PTPRD: variants seen among roughly 807,000 people sequenced by gnomAD.
The protein encoded by PTPRD is receptor-type tyrosine-protein phosphatase delta.
A neutral mutation model predicts 214.5 loss-of-function variants in PTPRD; 34 were observed. The ratio of observed to expected loss-of-function variants is 0.16; its 90% confidence interval spans 0.12 to 0.21. PTPRD has a LOEUF of 0.21. Ranked by LOEUF, PTPRD falls within the 10% of genes least tolerant of loss-of-function variation. PTPRD has a pLI of 1.00. For synonymous variants in PTPRD, 1,128 were observed against 845.7 expected (o/e 1.33, Z -5.79); for missense variants, 2,545 against 2,398.7 (o/e 1.06, Z -1.27).
At chr9:9,320,365 T>C (rs893040735) in intron 9 of PTPRD, among the ~76,000 whole-genome samples, 2 of 152,188 alleles carry the variant, frequency 1.3e-5, no homozygotes, top group Non-Finnish European at 2.9e-5. Flanking sequence ...GAACCCCATA[T>C]ACTGGGCATG....
chr9:9,554,671 A>C (rs2081092679), intron 8 of PTPRD, among the ~76,000 whole-genome samples: 2 of 151,988 alleles, frequency 1.3e-5, no homozygotes, highest in Admixed American at 1.3e-4. Flanking sequence ...TTAGAATTCA[A>C]CTCCAGTGTC....
At chr9:10,564,235 G>C (rs2064967207) in intron 2 of PTPRD, among the ~76,000 whole-genome samples, 1 of 116,966 alleles carries the variant, frequency 8.5e-6, no homozygotes, top group African/African-American at 3.3e-5. Flanking sequence ...GGCTTGTCTG[G>C]AATTCCTGGG....
At chr9:9,338,039 T>G (rs1359362503) in intron 9 of PTPRD, among the ~76,000 whole-genome samples, 1 of 152,206 alleles carries the variant, frequency 6.6e-6, no homozygotes, top group Non-Finnish European at 1.5e-5. Context: ...TCAGAAGACT[T>G]TTTTGTTTCA....
chr9:10,513,657 G>C (rs556752697), intron 2 of PTPRD, among the ~76,000 whole-genome samples: 2 of 152,252 alleles, frequency 1.3e-5, no homozygotes, highest in South Asian at 2.1e-4. Context: ...TGTAATGTGA[G>C]GGAAGGTGAT....
At chr9:8,370,418 T>C (rs796523685) in intron 39 of PTPRD, among the ~76,000 whole-genome samples, 168 of 152,230 alleles carry the variant, frequency 1.1e-3, no homozygotes, top group African/African-American at 3.9e-3. Context: ...ATATGCTGTA[T>C]GACCTTGAAC....
At chr9:9,575,681 C>T (rs1185858338) in intron 7 of PTPRD, among the ~76,000 whole-genome samples, 3 of 121,706 alleles carry the variant, frequency 2.5e-5, no homozygotes, top group African/African-American at 6.4e-5. Flanking sequence ...GATCATGCCA[C>T]TGCACTCCAG....
chr9:9,559,832 T>C (rs1041053349), intron 8 of PTPRD, among the ~76,000 whole-genome samples: 2 of 152,114 alleles, frequency 1.3e-5, no homozygotes, highest in South Asian at 2.1e-4. Flanking sequence ...TCCTCAGGCA[T>C]GGGAGAGACA....
chr9:9,944,186 C>T (rs959033146), intron 4 of PTPRD, among the ~76,000 whole-genome samples: 1 of 152,110 alleles, frequency 6.6e-6, no homozygotes, highest in East Asian at 1.9e-4. Context: ...TTTGCCCATT[C>T]TTGCTTTGTT....
At chr9:10,542,675 C>G (rs560696757) in intron 2 of PTPRD, among the ~76,000 whole-genome samples, 94 of 152,046 alleles carry the variant, frequency 6.2e-4, no homozygotes, top group African/African-American at 2.1e-3. Flanking sequence ...AATATTGTAG[C>G]TGGAAATATT....
chr9:8,378,511 A>C (rs536807167), intron 37 of PTPRD, among the ~76,000 whole-genome samples: 2 of 152,216 alleles, frequency 1.3e-5, no homozygotes, highest in African/African-American at 4.8e-5. Flanking sequence ...GCAGAGGACA[A>C]GAGGAACTCT....
At chr9:10,340,316 T>A (rs1403655404) in intron 3 of PTPRD, among the ~76,000 whole-genome samples, 1 of 151,936 alleles carries the variant, frequency 6.6e-6, no homozygotes, top group Non-Finnish European at 1.5e-5. Context: ...AGCAAAAGCA[T>A]ACCAATCTTT....
At position 8,636,863 on chromosome 9, in the gene PTPRD, A is replaced by G. The variant is rs1032924714; in HGVS notation, c.65-19T>C. ...GGAGGTGCTGAAATAAAAAATAAAC[A>G]TCACAGTTAAATTGAAAACTGAAAT... On this transcript the variant is annotated intron_variant, in intron 12 of 45. Transcript: ENST00000381196. 1 of 1,607,992 alleles carries G rather than the reference A, an allele frequency of 6.2e-7. No individual in the cohort carries two copies. Among genetic ancestry groups the G allele is most frequent in the South Asian group, 1.1e-5 (1 of 90,860 alleles).
At chr9:8,855,766 A>G (rs1267571627) in intron 11 of PTPRD, among the ~76,000 whole-genome samples, 1 of 152,214 alleles carries the variant, frequency 6.6e-6, no homozygotes, top group Non-Finnish European at 1.5e-5. Flanking sequence ...TACAATTAAT[A>G]ACACCCATTA....
intron 3 of PTPRD, among the ~76,000 whole-genome samples, chr9:10,265,290 A>G (rs1221294165): frequency 6.6e-6 from 1 of 152,180 alleles, no homozygotes; most frequent in Non-Finnish European, 1.5e-5. Flanking sequence ...GCTAGCCTGT[A>G]CAAAACATAT....
At chr9:9,174,507 G>C (rs545319271) in intron 10 of PTPRD, among the ~76,000 whole-genome samples, 2 of 152,052 alleles carry the variant, frequency 1.3e-5, no homozygotes, top group African/African-American at 4.8e-5. Context: ...TCTGCCTTAA[G>C]GGTTTTCAGG....
At chr9:9,217,064 A>G (rs1312766710) in intron 9 of PTPRD, among the ~76,000 whole-genome samples, 4 of 152,106 alleles carry the variant, frequency 2.6e-5, no homozygotes, top group South Asian at 2.1e-4. Context: ...TTTAATCCTT[A>G]AGACTAGTCA....
chr9:9,370,968 G>C (rs2059330218), intron 9 of PTPRD, among the ~76,000 whole-genome samples: 1 of 152,144 alleles, frequency 6.6e-6, no homozygotes, highest in Non-Finnish European at 1.5e-5. Flanking sequence ...AAGCCCACTT[G>C]ATCATGGTGG....
intron 3 of PTPRD, among the ~76,000 whole-genome samples, chr9:10,079,690 A>G (rs2098200651): frequency 6.6e-6 from 1 of 152,122 alleles, no homozygotes; most frequent in Non-Finnish European, 1.5e-5. Context: ...AAGATCTTTC[A>G]CAGCTGTAAA....
intron 14 of PTPRD, among the ~76,000 whole-genome samples, chr9:8,575,564 A>G (rs981673423): frequency 1.3e-5 from 2 of 152,136 alleles, no homozygotes; most frequent in African/African-American, 4.8e-5. Flanking sequence ...ACGATAATCT[A>G]GACCAGTGTC....
Sources: gnomAD v4.1 joint callset for allele counts (sites outside exome capture counted in the v4.1 genomes callset) on GRCh38, gnomAD v4.1.1 for gene constraint, MANE v1.5 for transcripts, NCBI Gene and HGNC (gene_info 2026-07-23, HGNC 2026-07-21) for gene names.